The following CFAP20DC variants were observed in gnomAD, a reference collection of about 807,000 sequenced individuals.
CFAP20DC encodes protein CFAP20DC.
CFAP20DC carries 84 observed loss-of-function variants against 101.7 expected under a neutral mutation model. The observed-to-expected ratio is 0.83, with a 90% confidence interval of 0.69 to 0.99. The LOEUF (loss-of-function observed/expected upper bound fraction) is 0.99. Among genes scored for constraint, CFAP20DC ranks in the 50% least tolerant of loss-of-function variants. The probability of loss-of-function intolerance (pLI) is 0.00; values close to 1 mark genes in which losing one functional copy is unlikely to be tolerated. For missense variants in CFAP20DC, 1,007 were observed against 970.3 expected (o/e 1.04, Z -0.50); for synonymous variants, 359 against 351.2 (o/e 1.02, Z -0.25).
At chr3:59,038,992 G>A (rs564106616) in intron 4 of CFAP20DC, among the ~76,000 whole-genome samples, 66 of 151,968 alleles carry the variant, frequency 4.3e-4, no homozygotes, top group African/African-American at 1.4e-3. Context: ...CTATGCAAGC[G>A]TACCAATCAA....
At chr3:58,763,809 A>T (rs905001439) in intron 15 of CFAP20DC, among the ~76,000 whole-genome samples, 1 of 152,140 alleles carries the variant, frequency 6.6e-6, no homozygotes, top group African/African-American at 2.4e-5. Context: ...TGCACTCCAG[A>T]CCCTGTTTGC....
intron 6 of CFAP20DC, among the ~76,000 whole-genome samples, chr3:58,906,772 G>GA (rs1197866821): frequency 2.6e-5 from 4 of 151,848 alleles, no homozygotes; most frequent in Non-Finnish European, 5.9e-5. Context: ...ACTCAAAATA[G>GA]AAAAAAATTA....
chr3:58,855,900 G>A (rs1345388088), intron 12 of CFAP20DC, among the ~76,000 whole-genome samples: 1 of 150,604 alleles, frequency 6.6e-6, no homozygotes, highest in Non-Finnish European at 1.5e-5. Context: ...ATGAGTTAGT[G>A]GGTGCAGCGC....
intron 5 of CFAP20DC, among the ~76,000 whole-genome samples, chr3:58,931,770 C>A (rs1451782422): frequency 6.6e-6 from 1 of 152,216 alleles, no homozygotes; most frequent in Non-Finnish European, 1.5e-5. Flanking sequence ...AAAAACCCAT[C>A]TGTACATCAC....
At chr3:58,815,682 A>G (rs1486195190) in intron 14 of CFAP20DC, among the ~76,000 whole-genome samples, 1 of 151,426 alleles carries the variant, frequency 6.6e-6, no homozygotes, top group Non-Finnish European at 1.5e-5. Flanking sequence ...AAACAACCCC[A>G]TCAAAAAGTG....
In CFAP20DC at chr3:58,721,486, C is replaced by A. The variant is rs561517107; in HGVS notation, c.198-3858G>T. ...GTCAGGGAAGTTTTCCACAAAGAAG[C>A]GATATTTAAGCTGAGATCTGAAGGA... On this transcript the variant is annotated intron_variant, in intron 3 of 3. Coordinates refer to the CFAP20DC transcript ENST00000486145. This position sits in a 1 kb window ranked among gnomAD's most constrained non-coding sequence, Gnocchi z 5.2. Among the ~76,000 whole-genome samples, 46 of 152,138 alleles carry A rather than the reference C, an allele frequency of 3.0e-4. No homozygotes were observed. The highest frequency in any genetic ancestry group is 9.4e-4 in the African/African-American group (39 of 41,482).
Position 58,997,949 on chromosome 3 carries a change from C to T in CFAP20DC, c.278+41608G>A, listed in dbSNP as rs145003972. ...CATAGAAGGCAAGGTCAAGACAGTA[C>T]GTAAATTTATCCTACTCTCCAAAAG... is the stretch of plus-strand genomic sequence containing the variant. On this transcript the variant is annotated intron_variant, in intron 4 of 16. Transcript: ENST00000482387. Among the ~76,000 whole-genome samples the T allele has an allele frequency of 3.6e-3, 549 of 152,252 alleles. 3 individuals are homozygous for T. The highest frequency in any genetic ancestry group is 8.7e-3 in the South Asian group (42 of 4,820).
chr3:58,843,086 A>C (rs918401294), intron 13 of CFAP20DC, among the ~76,000 whole-genome samples: 35 of 152,362 alleles, frequency 2.3e-4, no homozygotes, highest in African/African-American at 7.9e-4. Flanking sequence ...AAAAACTGGA[A>C]ACTCTAAAAC....
intron 4 of CFAP20DC, among the ~76,000 whole-genome samples, chr3:58,963,223 TGTG>T (rs1333565703): frequency 1.3e-5 from 2 of 149,386 alleles, no homozygotes; most frequent in Non-Finnish European, 3.0e-5. Flanking sequence ...TGTGTGTGTG[TGTG>T]TGTGTGTGTG....
At chr3:58,746,451 T>C (rs1212313955) in intron 16 of CFAP20DC, among the ~76,000 whole-genome samples, 1 of 152,104 alleles carries the variant, frequency 6.6e-6, no homozygotes, top group Non-Finnish European at 1.5e-5. Flanking sequence ...TGCTATTAAA[T>C]GAGAAAACAA....
intron 5 of CFAP20DC, among the ~76,000 whole-genome samples, chr3:58,936,577 T>C (rs1246170652): frequency 2.6e-5 from 4 of 152,192 alleles, no homozygotes; most frequent in Admixed American, 1.3e-4. Flanking sequence ...ATATACACCA[T>C]GGAATACTAT....
chr3:58,920,694 C>A (rs1207249997), intron 5 of CFAP20DC, among the ~76,000 whole-genome samples: 1 of 152,126 alleles, frequency 6.6e-6, no homozygotes, highest in Non-Finnish European at 1.5e-5. Flanking sequence ...GCCACTGGAT[C>A]ATGGTGTTAA....
At position 59,024,195 on chromosome 3, in the gene CFAP20DC, G is replaced by A. The variant is rs148694485; in HGVS notation, c.278+15362C>T. 1.5e-4 allele frequency among the ~76,000 whole-genome samples: 23 copies of A among 152,240 alleles called. 1 individual carries two copies. Among genetic ancestry groups the A allele is most frequent in the Non-Finnish European group, 2.9e-4 (20 of 67,998 alleles). ...ACAAACTGAAGCCAAATTAAAGGGA[G>A]TCTAATAATGCAAAGAATTAGAAAA... is the stretch of plus-strand genomic sequence containing the variant. On this transcript the variant is annotated intron_variant, in intron 4 of 16. Coordinates refer to ENST00000482387, the MANE Select transcript of CFAP20DC (RefSeq NM_001394063.1).
At chr3:58,769,699 A>T (rs2070667095) in intron 15 of CFAP20DC, among the ~76,000 whole-genome samples, 1 of 152,156 alleles carries the variant, frequency 6.6e-6, no homozygotes, top group African/African-American at 2.4e-5. Context: ...CCCCTCCTAA[A>T]AGTGCTCCCA....
chr3:58,761,706 G>A (rs1260043792), intron 15 of CFAP20DC, among the ~76,000 whole-genome samples: 1 of 152,120 alleles, frequency 6.6e-6, no homozygotes, highest in African/African-American at 2.4e-5. Flanking sequence ...ACACTGCTTT[G>A]AATGTGTCCC....
chr3:59,044,587 CTT>C lies in CFAP20DC; in HGVS notation c.205+1640_205+1641del, dbSNP rs1333488565. On this transcript the variant is annotated intron_variant, in intron 3 of 16. Coordinates refer to ENST00000482387, the MANE Select transcript of CFAP20DC (RefSeq NM_001394063.1). Reference sequence around the variant, plus strand: ...CTTGGTTTATTTCTTAAAAAAAAAACTTCAGATAAAAATGGAAAAGCAGAGCT... The same window carrying C: ...CTTGGTTTATTTCTTAAAAAAAAAACCAGATAAAAATGGAAAAGCAGAGCT... 4.0e-5 allele frequency among the ~76,000 whole-genome samples: 6 copies of C among 151,258 alleles called. No homozygotes were observed. The East Asian group carries it at 7.8e-4, about 20-fold the overall frequency.
intron 3 of CFAP20DC, chr3:58,726,923 AC>A: frequency 4.2e-6 from 1 of 238,444 alleles, no homozygotes; most frequent in Non-Finnish European, 8.4e-6. Context: ...GATGAGAGCG[AC>A]CCATCCCTTC....
At chr3:58,802,184 G>A (rs186154765) in intron 15 of CFAP20DC, among the ~76,000 whole-genome samples, 1 of 151,666 alleles carries the variant, frequency 6.6e-6, no homozygotes, top group Admixed American at 6.6e-5. Flanking sequence ...TTTTTCTGAA[G>A]AATCTACACA....
chr3:59,020,351 T>G (rs186319034), intron 4 of CFAP20DC, among the ~76,000 whole-genome samples: 5 of 152,124 alleles, frequency 3.3e-5, no homozygotes, highest in Admixed American at 6.5e-5. Flanking sequence ...AGACATAACA[T>G]TTTAAATAAA....
Sources: gnomAD v4.1 joint callset for allele counts (sites outside exome capture counted in the v4.1 genomes callset) on GRCh38, gnomAD v4.1.1 for gene constraint, Gnocchi (gnomAD v3.1) non-coding constraint, MANE v1.5 for transcripts, NCBI Gene and HGNC (gene_info 2026-07-23, HGNC 2026-07-21) for gene names.